Variants in ISOC1 observed in about 807,000 individuals in gnomAD.
ISOC1 encodes the protein isochorismatase domain containing 1.
A neutral mutation model predicts 30.0 loss-of-function variants in ISOC1; 33 were observed. The ratio of observed to expected loss-of-function variants is 1.10; its 90% CI spans 0.83 to 1.47. The LOEUF is 1.47. Among genes scored for constraint, ISOC1 ranks in the 40% most tolerant of loss-of-function variants. The pLI is 0.00. For missense variants in ISOC1, 372 were observed against 388.0 expected (o/e 0.96, Z 0.35); for synonymous variants, 178 against 159.8 (o/e 1.11, Z -0.86).
intron 1 of ISOC1, among the ~76,000 whole-genome samples, chr5:129,102,194 C>T (rs937303687): frequency 6.6e-6 from 1 of 152,152 alleles, no homozygotes; most frequent in Non-Finnish European, 1.5e-5. Flanking sequence ...TAGATACTCT[C>T]CACATCATAT....
intron 4 of ISOC1, among the ~76,000 whole-genome samples, chr5:129,107,678 T>A (rs1427721987): frequency 6.6e-6 from 1 of 152,176 alleles, no homozygotes; most frequent in Non-Finnish European, 1.5e-5. Context: ...CTGTTTTATA[T>A]CAGGGACTTG....
At chr5:129,109,523 G>C (rs890702537) in intron 4 of ISOC1, among the ~76,000 whole-genome samples, 3 of 152,192 alleles carry the variant, frequency 2.0e-5, no homozygotes, top group African/African-American at 2.4e-5. Context: ...GAAGGGACTA[G>C]TTCTTGGAAG....
At chr5:129,105,883 T>A (rs938474832) in intron 3 of ISOC1, among the ~76,000 whole-genome samples, 5 of 152,198 alleles carry the variant, frequency 3.3e-5, no homozygotes, top group Non-Finnish European at 5.9e-5. Context: ...ATTGCTGATT[T>A]CAATTGATTT....
At chr5:129,102,486 C>G (rs1471823521) in intron 1 of ISOC1, among the ~76,000 whole-genome samples, 2 of 152,170 alleles carry the variant, frequency 1.3e-5, no homozygotes, top group Non-Finnish European at 2.9e-5. Context: ...GAAACACCAG[C>G]TAGCAAGAAC....
At chr5:129,101,341 C>G (rs370961375) in intron 1 of ISOC1, among the ~76,000 whole-genome samples, 1 of 151,312 alleles carries the variant, frequency 6.6e-6, no homozygotes, top group South Asian at 2.1e-4. Context: ...ATTAGCAGTA[C>G]CAAAATTAGC....
intron 1 of ISOC1, among the ~76,000 whole-genome samples, chr5:129,104,419 A>G (rs1037643609): frequency 2.0e-5 from 3 of 152,144 alleles, no homozygotes; most frequent in African/African-American, 7.2e-5. Context: ...TCTGATTATA[A>G]AGAAATTTCT....
chr5:129,101,160 T>TA, intron 1 of ISOC1, among the ~76,000 whole-genome samples: 1 of 3,046 alleles, frequency 3.3e-4, no homozygotes, highest in Non-Finnish European at 6.8e-4. Flanking sequence ...GCTCAGCTAA[T>TA]CAAAAAAAAA....
Position 129,113,133 on chromosome 5 carries a change from C to T in ISOC1, c.*132C>T. 1 of 739,520 alleles carries T rather than the reference C, an allele frequency of 1.4e-6. No individual in the cohort carries two copies. Among genetic ancestry groups the T allele is most frequent in the South Asian group, 2.6e-5 (1 of 38,236 alleles). 45.8% of individuals were successfully genotyped at this position (739,520 alleles called of 1,614,324 possible). On this transcript the variant is annotated 3_prime_UTR_variant, in exon 5 of 5. Transcript: ENST00000173527. The stretch of plus-strand genomic sequence containing the variant: ...CAAAAACGGCTCCTTTTTTGCGCCT[C>T]CTAGTGAAACTTAACCAGCTAGACC...
At position 129,095,031 on chromosome 5, in the gene ISOC1, G is replaced by C. The variant is rs902193167; in HGVS notation, c.265G>C (p.Val89Leu). ...QYVDLPKGFA[V>L]SERCKVRLVP... ...CGTGGACTTGCCCAAGGGCTTCGCG[G>C]TGAGCGAGCGCTGCAAGGTGCGCCT... Residue 89 changes from valine (V) to leucine (L), a missense_variant, in exon 1 of 5, where the codon GTG becomes CTG. Val to Leu is a conservative substitution (Grantham distance 32). Transcript: ENST00000173527. 6.3e-7 allele frequency: 1 copy of C among 1,597,346 alleles called. No homozygotes were observed. Among genetic ancestry groups the C allele is most frequent in the Non-Finnish European group, 8.5e-7 (1 of 1,174,824 alleles).
chr5:129,098,689 G>A lies in ISOC1; in HGVS notation c.309+3614G>A, dbSNP rs924209249. ...TTTACTTCTGTACATAGCAGGGAAG[G>A]CTTTGGCAGCTTTCTGTGGCCAGAA... On this transcript the variant is annotated intron_variant, in intron 1 of 4. Coordinates refer to ENST00000173527, the MANE Select transcript of ISOC1 (RefSeq NM_016048.2). Among the ~76,000 whole-genome samples, 4 of 152,284 alleles carry A rather than the reference G, an allele frequency of 2.6e-5. No homozygotes were observed. The South Asian group carries it at 8.3e-4, about 32-fold the overall frequency.
chr5:129,097,382 T>C (rs1219506879), intron 1 of ISOC1, among the ~76,000 whole-genome samples: 1 of 152,114 alleles, frequency 6.6e-6, no homozygotes, highest in Admixed American at 6.5e-5. Context: ...GAGAGAGATA[T>C]ATATACACAC....
chr5:129,112,865 G>T lies in ISOC1; in HGVS notation c.761G>T (p.Arg254Leu). The T allele has an allele frequency of 6.2e-7, 1 of 1,612,162 alleles. No homozygotes were observed. Among genetic ancestry groups the T allele is most frequent in the Non-Finnish European group, 8.5e-7 (1 of 1,179,308 alleles). Residue 254 changes from arginine to leucine, a missense_variant, in exon 5 of 5, where the codon CGA becomes CTA. Arg to Leu is a moderately radical substitution (Grantham distance 102, BLOSUM62 -2). Coordinates refer to ENST00000173527, the MANE Select transcript of ISOC1 (RefSeq NM_016048.2). ...DRMFALERLA[R>L]TGIIVTTSEA... ...ATCTTTTTGTTCAAGCGTCTCGCTC[G>T]AACCGGGATCATAGTGACCACGAGT...
chr5:129,107,759 A>C (rs1224197396), intron 4 of ISOC1, among the ~76,000 whole-genome samples: 2 of 152,124 alleles, frequency 1.3e-5, no homozygotes, highest in Non-Finnish European at 2.9e-5. Flanking sequence ...ATTTCCTCAG[A>C]CTTGAATTTC....
At chr5:129,095,518 G>T (rs569677696) in intron 1 of ISOC1, among the ~76,000 whole-genome samples, 1 of 152,332 alleles carries the variant, frequency 6.6e-6, no homozygotes, top group Non-Finnish European at 1.5e-5. Flanking sequence ...TCCTAGAGTT[G>T]TGTTAACCAC....
intron 1 of ISOC1, among the ~76,000 whole-genome samples, chr5:129,098,583 C>G (rs1024304228): frequency 6.6e-6 from 1 of 152,048 alleles, no homozygotes; most frequent in African/African-American, 2.4e-5. Flanking sequence ...GTGCATTTTC[C>G]AGCCTGTGGC....
chr5:129,101,141 G>A (rs1335560010), intron 1 of ISOC1, among the ~76,000 whole-genome samples: 1 of 115,158 alleles, frequency 8.7e-6, no homozygotes, highest in Non-Finnish European at 1.7e-5. Flanking sequence ...TGAGGAGCTG[G>A]GCCACCAAGC....
intron 1 of ISOC1, among the ~76,000 whole-genome samples, chr5:129,098,552 T>C (rs1371739241): frequency 6.6e-6 from 1 of 152,214 alleles, no homozygotes; most frequent in African/African-American, 2.4e-5. Context: ...TTTACATAAA[T>C]GTTGTATCAT....
At chr5:129,095,293 C>CG (rs924242360) in intron 1 of ISOC1, among the ~76,000 whole-genome samples, 2 of 152,236 alleles carry the variant, frequency 1.3e-5, no homozygotes, top group African/African-American at 4.8e-5. Context: ...CTGTCCCCGG[C>CG]GGGGGCGTGG....
At position 129,112,972 on chromosome 5, in the gene ISOC1, C is replaced by A; in HGVS notation, c.868C>A (p.Pro290Thr). The change falls in exon 5 of 5, where the codon CCA becomes ACA. Residue 290 changes from proline (P) to threonine (T), a missense_variant. By Grantham distance (38) the Pro-to-Thr change is conservative. Transcript: ENST00000173527. ...EIQNLIKASA[P>T]ESGLLSKV ...TCAGAATCTAATTAAGGCGAGTGCT[C>A]CAGAGTCGGGTCTGCTTTCCAAAGT... The A allele has an allele frequency of 6.2e-7, 1 of 1,613,522 alleles. No homozygotes were observed. The highest frequency in any genetic ancestry group is 8.5e-7 in the Non-Finnish European group (1 of 1,179,644).
Sources: gnomAD v4.1 joint callset for allele counts (sites outside exome capture counted in the v4.1 genomes callset) on GRCh38, gnomAD v4.1.1 for gene constraint, MANE v1.5 for transcripts, NCBI Gene and HGNC (gene_info 2026-07-23, HGNC 2026-07-21) for gene names.